The following TRIM2 variants were observed in gnomAD, a reference collection of about 807,000 sequenced individuals.
TRIM2 encodes tripartite motif containing 2.
A neutral mutation model predicts 75.2 loss-of-function variants in TRIM2; 20 were observed. The observed-to-expected ratio is 0.27, with a 90% CI of 0.19 to 0.39. TRIM2 has a LOEUF of 0.39. TRIM2 is among the 10% of genes least tolerant of loss of function. TRIM2 has a pLI of 1.00. For missense variants in TRIM2, 660 were observed against 990.8 expected (o/e 0.67, Z 4.48); for synonymous variants, 373 against 388.3 (o/e 0.96, Z 0.46).
chr4:153,214,338 T>C (rs1250472890), intron 1 of TRIM2, among the ~76,000 whole-genome samples: 1 of 152,158 alleles, frequency 6.6e-6, no homozygotes, highest in African/African-American at 2.4e-5. Flanking sequence ...ATAACCTGCA[T>C]AGTGTTGAGG....
chr4:153,172,482 C>A (rs1730991827), intron 1 of TRIM2, among the ~76,000 whole-genome samples: 1 of 152,150 alleles, frequency 6.6e-6, no homozygotes, highest in African/African-American at 2.4e-5. Flanking sequence ...CCACTACACC[C>A]AGCCTATTAC....
chr4:153,315,888 G>C lies in TRIM2; in HGVS notation c.1671G>C (p.Pro557=), dbSNP rs150231451. 5 of 1,614,048 alleles carry C rather than the reference G, an allele frequency of 3.1e-6. No individual in the cohort carries two copies. In the South Asian group the frequency reaches 3.3e-5, roughly 11 times the overall value. The change falls in exon 8 of 12, where the codon CCG becomes CCC. Residue 557 remains proline (P), a synonymous_variant. Coordinates refer to ENST00000338700, the MANE Select transcript of TRIM2 (RefSeq NM_015271.5). ...GTTTTGGCATACGGGGACGCTCTCC[G>C]GGGCAGCTGCAGCGGCCCACAGGAG... ...KSRFGIRGRS[P]GQLQRPTGVA...
intron 1 of TRIM2, among the ~76,000 whole-genome samples, chr4:153,238,068 C>A (rs1437258887): frequency 6.6e-6 from 1 of 152,120 alleles, no homozygotes; most frequent in Non-Finnish European, 1.5e-5. Flanking sequence ...GAACCTCTTA[C>A]CTCCAAGAAA....
At chr4:153,321,051 T>C (rs73854652) in intron 8 of TRIM2, among the ~76,000 whole-genome samples, 9,734 of 152,286 alleles carry the variant, frequency 0.064, 1,007 homozygotes, top group African/African-American at 0.22. Context: ...TCCTGCTGTT[T>C]CCTCACCTGG....
chr4:153,282,468 G>A (rs76738315), intron 3 of TRIM2, among the ~76,000 whole-genome samples: 99 of 152,222 alleles, frequency 6.5e-4, no homozygotes, highest in African/African-American at 2.1e-3. Context: ...CAAGGCAGGA[G>A]GATCACTTGA....
At chr4:153,222,042 GAGGA>G (rs1740617364) in intron 1 of TRIM2, among the ~76,000 whole-genome samples, 4 of 126,678 alleles carry the variant, frequency 3.2e-5, no homozygotes, top group Admixed American at 7.9e-5. Flanking sequence ...AGGAAAGAGC[GAGGA>G]AGGGAGGGAG....
chr4:153,295,164 C>T lies in TRIM2; in HGVS notation c.787-149C>T. The T allele has an allele frequency of 9.1e-7, 1 of 1,103,638 alleles. No homozygotes were observed. Among genetic ancestry groups the T allele is most frequent in the Admixed American group, 3.0e-5 (1 of 33,516 alleles). The allele number at this position is 1,103,638 out of a possible 1,614,324, so 68.4% of individuals were successfully genotyped here. ...AATGCAGTTTAGGACTTTGCGTTAG[C>T]ACTGGGTTCCCTGGGTTGACAAACA... On this transcript the variant is annotated intron_variant, in intron 5 of 11. Coordinates refer to ENST00000338700, the MANE Select transcript of TRIM2 (RefSeq NM_015271.5). This position sits in a 1 kb window ranked among gnomAD's most constrained non-coding sequence, Gnocchi z 7.2.
At chr4:153,194,864 A>G (rs565603358) in intron 1 of TRIM2, among the ~76,000 whole-genome samples, 1 of 152,204 alleles carries the variant, frequency 6.6e-6, no homozygotes, top group Admixed American at 6.5e-5. Context: ...CCCTTTAGGG[A>G]TTGATTACAC....
intron 1 of TRIM2, among the ~76,000 whole-genome samples, chr4:153,264,693 A>C (rs1427188181): frequency 3.9e-5 from 6 of 152,210 alleles, no homozygotes; most frequent in Non-Finnish European, 8.8e-5. Flanking sequence ...ATTCGGACTG[A>C]TTCAGACTTT....
intron 11 of TRIM2, among the ~76,000 whole-genome samples, chr4:153,334,521 C>A (rs536016012): frequency 7.6e-4 from 115 of 151,948 alleles, no homozygotes; most frequent in African/African-American, 2.6e-3. Flanking sequence ...AACCACTGCA[C>A]CTGGCTTATG....
chr4:153,178,386 C>G (rs970655098), intron 1 of TRIM2, among the ~76,000 whole-genome samples: 1 of 152,146 alleles, frequency 6.6e-6, no homozygotes, highest in Non-Finnish European at 1.5e-5. Context: ...TAATCCCTCA[C>G]GTGGCTTTTG....
intron 1 of TRIM2, among the ~76,000 whole-genome samples, chr4:153,236,284 A>C (rs1375029939): frequency 6.6e-6 from 1 of 152,108 alleles, no homozygotes; most frequent in African/African-American, 2.4e-5. Flanking sequence ...GCCATCCCCA[A>C]CATGGCTTCT....
intron 1 of TRIM2, among the ~76,000 whole-genome samples, chr4:153,174,140 AC>A (rs112614797): frequency 0.067 from 3,035 of 44,972 alleles, 125 homozygotes; most frequent in African/African-American, 0.25. Flanking sequence ...TTCAGTGGAA[AC>A]CCTTGCATTG....
chr4:153,336,234 C>T lies in TRIM2; in HGVS notation c.*1268C>T, dbSNP rs966594660. The T allele has an allele frequency of 1.0e-6, 1 of 985,300 alleles. No individual in the cohort carries two copies. Among genetic ancestry groups the T allele is most frequent in the African/African-American group, 1.8e-5 (1 of 57,082 alleles). The allele number at this position is 985,300 out of a possible 1,614,324, so 61.0% of individuals were successfully genotyped here. A position where few individuals can be genotyped will look rare whatever the true frequency, so the allele number is the denominator to read the frequency against. On this transcript the variant is annotated 3_prime_UTR_variant, in exon 12 of 12. Transcript: ENST00000338700. The stretch of plus-strand genomic sequence containing the variant: ...AGCCACTCTTCAGCACATTCCTTTA[C>T]TAAGCAGTTTAAAGCCGTCCTAGTG...
At chr4:153,159,441 C>T (rs1472349841) in intron 1 of TRIM2, among the ~76,000 whole-genome samples, 1 of 151,688 alleles carries the variant, frequency 6.6e-6, no homozygotes, top group Non-Finnish European at 1.5e-5. Context: ...GCTGGGACCA[C>T]AAGTGTGCAC....
At chr4:153,306,950 G>A (rs1579548761) in intron 6 of TRIM2, among the ~76,000 whole-genome samples, 1 of 152,178 alleles carries the variant, frequency 6.6e-6, no homozygotes, top group South Asian at 2.1e-4. Context: ...CTTTTAAATT[G>A]CACAATGATT....
At chr4:153,152,272 C>G (rs1023167411), upstream of TRIM2, 6 of 152,166 alleles carry the variant, frequency 3.9e-5, no homozygotes, top group African/African-American at 1.2e-4. Context: ...AACCACCCCC[C>G]GCAGAGGCAG....
chr4:153,303,010 A>G (rs1017743813), intron 6 of TRIM2, among the ~76,000 whole-genome samples: 17 of 152,202 alleles, frequency 1.1e-4, no homozygotes, highest in Admixed American at 7.2e-4. Context: ...CCAGGAACAC[A>G]CAGATCAGGT....
chr4:153,231,580 G>A (rs899878067), intron 1 of TRIM2, among the ~76,000 whole-genome samples: 1 of 152,112 alleles, frequency 6.6e-6, no homozygotes, highest in Non-Finnish European at 1.5e-5. Flanking sequence ...CGTGGGCATT[G>A]AGGTGAAATA....
Sources: allele counts gnomAD v4.1 joint callset (sites outside exome capture counted in the v4.1 genomes callset), GRCh38; gene constraint gnomAD v4.1.1; non-coding constraint Gnocchi (gnomAD v3.1); transcripts MANE v1.5; gene names NCBI Gene and HGNC (gene_info 2026-07-23, HGNC 2026-07-21).